FOXP4: variants seen among roughly 807,000 people sequenced by gnomAD.
FOXP4 encodes forkhead box P4.
Under a neutral mutation model 82.6 loss-of-function variants are expected in FOXP4, and 25 were observed. The ratio of observed to expected loss-of-function variants is 0.30; its 90% CI spans 0.22 to 0.42. The LOEUF is 0.42. Among genes scored for constraint, FOXP4 ranks in the 10% least tolerant of loss-of-function variants. The pLI, the probability that FOXP4 is intolerant of heterozygous loss-of-function variation, is 1.00. For missense variants in FOXP4, 785 were observed against 900.9 expected (o/e 0.87, Z 1.65); for synonymous variants, 415 against 388.2 (o/e 1.07, Z -0.81).
chr6:41,602,242 A>T lies in FOXP4; in HGVS notation c.*3306A>T, dbSNP rs903214721. On this transcript the variant is annotated 3_prime_UTR_variant, in exon 17 of 17. Coordinates refer to ENST00000307972, the MANE Select transcript of FOXP4 (RefSeq NM_001012426.2). ...AGAGTCTCCCCACCAGATACTGTTT[A>T]AAAAAGTAGCACTGATGTGTTTTGT... 1.3e-5 allele frequency: 2 copies of T among 152,114 alleles called. No individual in the cohort carries two copies. The highest frequency in any genetic ancestry group is 4.8e-5 in the African/African-American group (2 of 41,440). The allele number at this position is 152,114 out of a possible 1,614,324, so 9.4% of individuals were successfully genotyped here.
At chr6:41,559,770 C>T (rs1402345265) in intron 1 of FOXP4, among the ~76,000 whole-genome samples, 1 of 152,176 alleles carries the variant, frequency 6.6e-6, no homozygotes, top group Non-Finnish European at 1.5e-5. Flanking sequence ...AGTTAGTGTT[C>T]ATCATTGGAG....
chr6:41,589,197 A>G (rs868135698), intron 9 of FOXP4, among the ~76,000 whole-genome samples: 1 of 152,222 alleles, frequency 6.6e-6, no homozygotes, highest in Non-Finnish European at 1.5e-5. Context: ...TGGCTTTCCC[A>G]AGGGAGTATC....
intron 3 of FOXP4, 92 bp downstream of exon 3, chr6:41,578,173 T>C: frequency 9.2e-7 from 1 of 1,090,194 alleles, no homozygotes. Flanking sequence ...GAACTGCTCT[T>C]GCCAGTTCCA....
At position 41,590,319 on chromosome 6, in the gene FOXP4, C is replaced by T; in HGVS notation, c.1406C>T (p.Pro469Leu). 1 of 1,613,992 alleles carries T rather than the reference C, an allele frequency of 6.2e-7. No homozygotes were observed. The highest frequency in any genetic ancestry group is 8.5e-7 in the Non-Finnish European group (1 of 1,179,990). ...EFYKNADVRP[P>L]FTYASLIRQA... ...TACAAGAACGCCGACGTCCGGCCCC[C>T]CTTCACCTACGCCTCCCTCATCCGC... Residue 469 changes from proline (P) to leucine (L), a missense_variant, in exon 12 of 17, where the codon CCC becomes CTC. By Grantham distance (98) the Pro-to-Leu change is moderately conservative. Coordinates refer to ENST00000307972, the MANE Select transcript of FOXP4 (RefSeq NM_001012426.2).
intron 2 of FOXP4, among the ~76,000 whole-genome samples, chr6:41,567,614 G>A (rs1215341403): frequency 2.0e-5 from 3 of 152,190 alleles, no homozygotes; most frequent in African/African-American, 7.2e-5. Context: ...AATTTTAAAT[G>A]TAGGGGTTGG....
intron 14 of FOXP4, among the ~76,000 whole-genome samples, chr6:41,596,339 G>T (rs1561808357): frequency 6.6e-6 from 1 of 152,146 alleles, no homozygotes; most frequent in Non-Finnish European, 1.5e-5. Context: ...CCTTGGGCCA[G>T]AGCCCCTGGG....
intron 14 of FOXP4, among the ~76,000 whole-genome samples, chr6:41,596,109 G>A (rs1766818067): frequency 6.6e-6 from 1 of 152,214 alleles, no homozygotes. Flanking sequence ...TGTTGACCAG[G>A]CTGATCTCGA....
At chr6:41,578,945 G>T (rs1043110471) in intron 3 of FOXP4, among the ~76,000 whole-genome samples, 2 of 152,094 alleles carry the variant, frequency 1.3e-5, no homozygotes, top group African/African-American at 4.8e-5. Context: ...AAGGGAAGAA[G>T]GGTGAGTATG....
chr6:41,546,888 A>G (rs1763654536), intron 1 of FOXP4, 21 bp downstream of exon 1: 2 of 144,296 alleles, frequency 1.4e-5, no homozygotes, highest in Admixed American at 6.8e-5. Context: ...GGTCGGGCCC[A>G]GGGACGTGGG....
intron 1 of FOXP4, among the ~76,000 whole-genome samples, chr6:41,557,574 T>TG (rs1293369642): frequency 1.3e-5 from 2 of 152,192 alleles, no homozygotes; most frequent in Admixed American, 6.5e-5. Flanking sequence ...TAGAAACTGT[T>TG]GCTTAAAATA....
At position 41,590,107 on chromosome 6, in the gene FOXP4, C is replaced by T; in HGVS notation, c.1294C>T (p.Leu432=). The change falls in exon 11 of 17, where the codon CTG becomes TTG. Residue 432 remains leucine, a synonymous_variant. Coordinates refer to ENST00000307972, the MANE Select transcript of FOXP4 (RefSeq NM_001012426.2). ...GCCCCCTGGCCTGGGCTCTGCCTCCCTGCATGGTGGGGGCCCAGCCCGTCG... is the reference window on the plus strand; with the variant it reads ...GCCCCCTGGCCTGGGCTCTGCCTCCTTGCATGGTGGGGGCCCAGCCCGTCG... ...LRPPGLGSAS[L]HGGGPARRRS... 2 of 1,613,240 alleles carry T rather than the reference C, an allele frequency of 1.2e-6. No homozygotes were observed. The highest frequency in any genetic ancestry group is 2.2e-5 in the South Asian group (2 of 91,030).
Position 41,590,311 on chromosome 6 carries a change from C to G in FOXP4, c.1398C>G (p.Val466=). The change falls in exon 12 of 17, where the codon GTC becomes GTG. Residue 466 remains valine, a synonymous_variant. Transcript: ENST00000307972. ...ATGAGTTCTACAAGAACGCCGACGTCCGGCCCCCCTTCACCTACGCCTCCC... is the reference window on the plus strand; with the variant it reads ...ATGAGTTCTACAAGAACGCCGACGTGCGGCCCCCCTTCACCTACGCCTCCC... ...QNHEFYKNAD[V]RPPFTYASLI... 6.2e-7 allele frequency: 1 copy of G among 1,613,994 alleles called. No individual in the cohort carries two copies. The highest frequency in any genetic ancestry group is 1.3e-5 in the African/African-American group (1 of 75,040).
At chr6:41,549,478 T>A (rs956997170) in intron 1 of FOXP4, among the ~76,000 whole-genome samples, 9 of 151,984 alleles carry the variant, frequency 5.9e-5, no homozygotes, top group Non-Finnish European at 1.0e-4. Context: ...GGCAGGTAGG[T>A]CCCTTCTTGC....
At chr6:41,592,781 G>C (rs773557363) in intron 13 of FOXP4, among the ~76,000 whole-genome samples, 1 of 152,036 alleles carries the variant, frequency 6.6e-6, no homozygotes, top group Non-Finnish European at 1.5e-5. Context: ...CAGGTTAGGT[G>C]ACCTGGTTTA....
chr6:41,549,823 C>T (rs1763898409), intron 1 of FOXP4, among the ~76,000 whole-genome samples: 1 of 152,020 alleles, frequency 6.6e-6, no homozygotes, highest in African/African-American at 2.4e-5. Context: ...GTTGTCTCCC[C>T]AGGAAGCCTT....
At chr6:41,552,679 G>T (rs7764874) in intron 1 of FOXP4, among the ~76,000 whole-genome samples, 1 of 152,052 alleles carries the variant, frequency 6.6e-6, no homozygotes, top group African/African-American at 2.4e-5. Flanking sequence ...CTCACCAGAC[G>T]CAGAGAAAAG....
intron 2 of FOXP4, 87 bp from the exon 3 acceptor site, chr6:41,577,896 TCTC>T: frequency 4.5e-6 from 4 of 894,846 alleles, no homozygotes; most frequent in East Asian, 2.6e-5. Context: ...CTTACCCTGA[TCTC>T]CTTCTCCTTA....
At chr6:41,550,972 C>T (rs887017903) in intron 1 of FOXP4, among the ~76,000 whole-genome samples, 2 of 152,186 alleles carry the variant, frequency 1.3e-5, no homozygotes, top group South Asian at 2.1e-4. Flanking sequence ...TGGATCATCT[C>T]AAAGAAGCAA....
intron 16 of FOXP4, among the ~76,000 whole-genome samples, 191 bp downstream of exon 16, chr6:41,598,141 T>C (rs1581796892): frequency 3.0e-5 from 4 of 133,540 alleles, no homozygotes; most frequent in South Asian, 2.5e-4. Flanking sequence ...TCTTATCCCC[T>C]CTCCCCACCT....
Sources: allele counts gnomAD v4.1 joint callset (sites outside exome capture counted in the v4.1 genomes callset), GRCh38; gene constraint gnomAD v4.1.1; transcripts MANE v1.5; gene names NCBI Gene and HGNC (gene_info 2026-07-23, HGNC 2026-07-21).